The following SPATA16 variants were observed in gnomAD, a reference collection of about 807,000 sequenced individuals.
SPATA16 encodes the protein spermatogenesis associated 16.
SPATA16 carries 36 observed loss-of-function variants against 63.3 expected under a neutral mutation model. The observed-to-expected ratio is 0.57, with a 90% CI of 0.44 to 0.75. SPATA16 has a LOEUF of 0.75. SPATA16 is among the 30% of genes least tolerant of loss of function. The pLI is 0.00. For missense variants in SPATA16, 646 were observed against 679.3 expected (o/e 0.95, Z 0.54); for synonymous variants, 203 against 216.7 (o/e 0.94, Z 0.56).
chr3:173,018,767 A>G (rs1401801947), intron 4 of SPATA16, among the ~76,000 whole-genome samples: 2 of 152,178 alleles, frequency 1.3e-5, no homozygotes, highest in East Asian at 3.8e-4. Flanking sequence ...CTGGGGCGGT[A>G]AAGTGGATGA....
intron 6 of SPATA16, among the ~76,000 whole-genome samples, chr3:172,944,218 C>A (rs1733228776): frequency 6.6e-6 from 1 of 152,180 alleles, no homozygotes; most frequent in Non-Finnish European, 1.5e-5. Context: ...ACAGACATTT[C>A]TTCGAAGAAG....
intron 5 of SPATA16, among the ~76,000 whole-genome samples, chr3:172,971,893 C>A (rs1051122103): frequency 1.3e-5 from 2 of 152,060 alleles, no homozygotes; most frequent in Non-Finnish European, 2.9e-5. Flanking sequence ...TAGTGACAAT[C>A]ATGTAAAGAG....
intron 2 of SPATA16, among the ~76,000 whole-genome samples, chr3:173,087,694 A>G (rs1737093658): frequency 6.6e-6 from 1 of 152,066 alleles, no homozygotes; most frequent in African/African-American, 2.4e-5. Flanking sequence ...TGCTTCCTTC[A>G]GGAGCTCTTG....
chr3:172,982,400 A>T (rs1734342959), intron 4 of SPATA16, among the ~76,000 whole-genome samples: 1 of 152,178 alleles, frequency 6.6e-6, no homozygotes, highest in East Asian at 1.9e-4. Context: ...TTGAAGAGGA[A>T]AGGTATTGGG....
At chr3:172,962,066 A>AG in intron 5 of SPATA16, among the ~76,000 whole-genome samples, 1 of 152,216 alleles carries the variant, frequency 6.6e-6, no homozygotes, top group Admixed American at 6.5e-5. Context: ...CAGCATGGCC[A>AG]ACATGGTGAA....
At chr3:173,045,866 G>T (rs1035776901) in intron 3 of SPATA16, among the ~76,000 whole-genome samples, 1 of 151,794 alleles carries the variant, frequency 6.6e-6, no homozygotes, top group South Asian at 2.1e-4. Flanking sequence ...TATTTAATAA[G>T]TTTTTTAAAA....
intron 9 of SPATA16, 56 bp from the exon 10 acceptor site, chr3:172,913,800 T>C (rs544837422): frequency 3.5e-6 from 5 of 1,438,312 alleles, no homozygotes; most frequent in South Asian, 2.3e-5. Context: ...ATAACTTCTC[T>C]AAATACACAG....
At chr3:173,133,643 C>T (rs572440188) in intron 1 of SPATA16, among the ~76,000 whole-genome samples, 2 of 152,160 alleles carry the variant, frequency 1.3e-5, no homozygotes, top group South Asian at 4.1e-4. Context: ...TTAAATCTGT[C>T]TTCAGTGAAT....
rs888618979 is a variant in SPATA16, at chr3:173,086,668, G to A, written c.612+30452C>T. Among the ~76,000 whole-genome samples the A allele has an allele frequency of 6.6e-5, 10 of 152,234 alleles. No homozygotes were observed. In the East Asian group the frequency reaches 1.4e-3, roughly 21 times the overall value. ...AGACCTTTCTAGCTTTCTGATGTGG[G>A]CATTTAGTGCTATAAATTTCCCTCT... is the stretch of plus-strand genomic sequence containing the variant. On this transcript the variant is annotated intron_variant, in intron 2 of 10. Coordinates refer to ENST00000351008, the MANE Select transcript of SPATA16 (RefSeq NM_031955.6).
intron 5 of SPATA16, among the ~76,000 whole-genome samples, chr3:172,962,257 A>AG: frequency 6.7e-6 from 1 of 148,174 alleles, no homozygotes; most frequent in African/African-American, 2.5e-5. Flanking sequence ...CTGTCTCAAA[A>AG]AAAAAAAAAA....
At chr3:172,897,787 A>C (rs1284116943) in intron 10 of SPATA16, among the ~76,000 whole-genome samples, 2 of 152,036 alleles carry the variant, frequency 1.3e-5, no homozygotes, top group African/African-American at 4.8e-5. Flanking sequence ...AATTTCCAGC[A>C]CTATGTTGAA....
chr3:173,058,710 T>C (rs1736308635), intron 2 of SPATA16, among the ~76,000 whole-genome samples: 1 of 152,096 alleles, frequency 6.6e-6, no homozygotes, highest in African/African-American at 2.4e-5. Context: ...TAAATTTTAT[T>C]CCTTTTACAT....
At chr3:173,126,490 T>C (rs1738233032) in intron 1 of SPATA16, among the ~76,000 whole-genome samples, 2 of 152,220 alleles carry the variant, frequency 1.3e-5, no homozygotes, top group South Asian at 4.1e-4. Context: ...CAAACACTGC[T>C]CTGTCTTCCT....
intron 4 of SPATA16, 27 bp from the exon 5 acceptor site, chr3:172,977,079 A>C (rs762415175): frequency 6.3e-7 from 1 of 1,580,598 alleles, no homozygotes; most frequent in Admixed American, 1.7e-5. Flanking sequence ...ATTAAAAAAA[A>C]AACAAAAACA....
chr3:173,029,381 G>T (rs1735543159), intron 3 of SPATA16, among the ~76,000 whole-genome samples: 1 of 148,734 alleles, frequency 6.7e-6, no homozygotes. Context: ...ACAGTTTATT[G>T]TTCACAGCAA....
intron 4 of SPATA16, among the ~76,000 whole-genome samples, chr3:172,986,233 G>A (rs1234483285): frequency 2.6e-5 from 4 of 152,190 alleles, no homozygotes; most frequent in Non-Finnish European, 5.9e-5. Context: ...GTTACAAATA[G>A]TAATAGTAGT....
intron 4 of SPATA16, among the ~76,000 whole-genome samples, chr3:173,015,099 C>T (rs1017891675): frequency 1.4e-5 from 2 of 146,052 alleles, no homozygotes; most frequent in African/African-American, 2.6e-5. Flanking sequence ...GTTTCACTCT[C>T]ATCGCCCAGG....
At chr3:173,100,014 G>A (rs1444856293) in intron 2 of SPATA16, among the ~76,000 whole-genome samples, 1 of 152,158 alleles carries the variant, frequency 6.6e-6, no homozygotes, top group African/African-American at 2.4e-5. Context: ...CTTCTTTGAA[G>A]AACTGTGCCT....
chr3:172,955,373 G>A (rs886765042), intron 6 of SPATA16, among the ~76,000 whole-genome samples: 2 of 152,064 alleles, frequency 1.3e-5, no homozygotes, highest in African/African-American at 4.8e-5. Context: ...TGTGCTGCTA[G>A]CATACACCCT....
Sources: gnomAD v4.1 joint callset for allele counts (sites outside exome capture counted in the v4.1 genomes callset) on GRCh38, gnomAD v4.1.1 for gene constraint, MANE v1.5 for transcripts, NCBI Gene and HGNC (gene_info 2026-07-23, HGNC 2026-07-21) for gene names.